AKAP19: variants seen among roughly 807,000 people sequenced by gnomAD.
The protein encoded by AKAP19 is A-kinase anchoring protein 19, also known as small A-kinase anchoring protein.
chr2:190,148,787 G>T, the AKAP19 span, among the ~76,000 whole-genome samples: 2 of 152,052 alleles, frequency 1.3e-5, no homozygotes, highest in South Asian at 4.1e-4. Context: ...TCTAGTTTAT[G>T]TGTGTAAAGG....
the AKAP19 span, among the ~76,000 whole-genome samples, chr2:189,964,673 T>G: frequency 6.6e-6 from 1 of 152,200 alleles, no homozygotes; most frequent in Non-Finnish European, 1.5e-5. Context: ...GTTATGGATA[T>G]GGCTTCCTTT....
the AKAP19 span, among the ~76,000 whole-genome samples, chr2:189,951,235 A>G: frequency 9.2e-6 from 1 of 108,262 alleles, no homozygotes; most frequent in Admixed American, 1.4e-4. Flanking sequence ...AGAGTCTTGC[A>G]TCTTCCCCCA....
At chr2:189,921,415 A>G in the AKAP19 span, among the ~76,000 whole-genome samples, 1 of 152,228 alleles carries the variant, frequency 6.6e-6, no homozygotes. Context: ...ATTTGACAAC[A>G]TGAAGTTATT....
At chr2:190,105,854 C>T in the AKAP19 span, among the ~76,000 whole-genome samples, 2 of 152,188 alleles carry the variant, frequency 1.3e-5, no homozygotes, top group Non-Finnish European at 2.9e-5. Flanking sequence ...GTTTATCACA[C>T]TAAACAGAAT....
chr2:190,170,718 A>C, the AKAP19 span, among the ~76,000 whole-genome samples: 2 of 152,102 alleles, frequency 1.3e-5, no homozygotes, highest in African/African-American at 2.4e-5. Flanking sequence ...ACAGCAGCCT[A>C]ATTGTTCACA....
the AKAP19 span, among the ~76,000 whole-genome samples, chr2:189,986,839 G>T: frequency 1.3e-5 from 2 of 152,104 alleles, no homozygotes; most frequent in South Asian, 4.1e-4. Flanking sequence ...TTCAAGAAAG[G>T]AAGAAAATTC....
the AKAP19 span, among the ~76,000 whole-genome samples, chr2:189,928,392 A>G: frequency 1.3e-5 from 2 of 152,160 alleles, no homozygotes; most frequent in Non-Finnish European, 2.9e-5. Context: ...AATTTTAACA[A>G]TTGAGAAAAA....
At chr2:190,086,019 G>A in the AKAP19 span, among the ~76,000 whole-genome samples, 1 of 152,174 alleles carries the variant, frequency 6.6e-6, no homozygotes, top group African/African-American at 2.4e-5. Context: ...GCCTTTCTAG[G>A]CATAGGTTAG....
chr2:189,987,512 C>A, the AKAP19 span, among the ~76,000 whole-genome samples: 1 of 152,210 alleles, frequency 6.6e-6, no homozygotes, highest in Non-Finnish European at 1.5e-5. Context: ...CCTCAGCCTC[C>A]CAAATCTGCC....
At chr2:189,994,806 C>T in the AKAP19 span, among the ~76,000 whole-genome samples, 2 of 152,056 alleles carry the variant, frequency 1.3e-5, no homozygotes, top group Non-Finnish European at 2.9e-5. Context: ...GCTATGTTGG[C>T]CAGGCTGGTC....
chr2:190,200,596 G>GTGAT, the AKAP19 span: 6 of 178,646 alleles, frequency 3.4e-5, no homozygotes, highest in South Asian at 1.6e-4. Context: ...TCAAATCATA[G>GTGAT]TGATTAACAG....
chr2:190,133,923 A>G, the AKAP19 span, among the ~76,000 whole-genome samples: 1 of 152,200 alleles, frequency 6.6e-6, no homozygotes, highest in African/African-American at 2.4e-5. Context: ...CTTGTACATT[A>G]TGGTGATTGT....
the AKAP19 span, among the ~76,000 whole-genome samples, chr2:190,022,566 A>T: frequency 6.6e-6 from 1 of 152,302 alleles, no homozygotes; most frequent in East Asian, 1.9e-4. Context: ...AACAGGTATT[A>T]TGGATGAATA....
chr2:190,136,319 G>T, the AKAP19 span, among the ~76,000 whole-genome samples: 1 of 152,168 alleles, frequency 6.6e-6, no homozygotes, highest in Admixed American at 6.5e-5. Context: ...ACACAGGTAT[G>T]CAGTGTAAGA....
chr2:190,061,534 G>A, the AKAP19 span, among the ~76,000 whole-genome samples: 1 of 151,846 alleles, frequency 6.6e-6, no homozygotes, highest in South Asian at 2.1e-4. Context: ...TATGGTCAAG[G>A]TACAAGGAGG....
chr2:190,039,129 G>A, the AKAP19 span, among the ~76,000 whole-genome samples: 1 of 151,178 alleles, frequency 6.6e-6, no homozygotes, highest in African/African-American at 2.4e-5. Context: ...CTGGAGTGCA[G>A]TGGTGTGATC....
At chr2:189,881,699 A>C in the AKAP19 span, among the ~76,000 whole-genome samples, 2 of 152,190 alleles carry the variant, frequency 1.3e-5, no homozygotes, top group African/African-American at 4.8e-5. Context: ...AATGGGGAAA[A>C]AGAAGGAAAA....
chr2:190,172,284 C>G, the AKAP19 span, among the ~76,000 whole-genome samples: 8 of 152,144 alleles, frequency 5.3e-5, no homozygotes, highest in Admixed American at 5.2e-4. Context: ...TCCTCTCCCA[C>G]TATTATGCAT....
At chr2:189,906,240 C>T in the AKAP19 span, among the ~76,000 whole-genome samples, 4 of 152,134 alleles carry the variant, frequency 2.6e-5, no homozygotes, top group East Asian at 3.9e-4. Flanking sequence ...ACCTATATCT[C>T]AATTCTGCAA....
Sources: allele counts gnomAD v4.1 joint callset (sites outside exome capture counted in the v4.1 genomes callset), GRCh38; gene constraint gnomAD v4.1.1; transcripts MANE v1.5; gene names NCBI Gene and HGNC (gene_info 2026-07-23, HGNC 2026-07-21).